The following MPHOSPH6 variants were observed in gnomAD, a reference collection of about 807,000 sequenced individuals.
MPHOSPH6 encodes M-phase phosphoprotein 6.
In MPHOSPH6, 25 loss-of-function variants were observed where a neutral mutation model predicts 21.8. The ratio of observed to expected loss-of-function variants is 1.15; its 90% confidence interval spans 0.83 to 1.60. The LOEUF (loss-of-function observed/expected upper bound fraction) is 1.60, where lower values mean the gene tolerates loss of function less well. Ranked by LOEUF, MPHOSPH6 falls within the 40% of genes most tolerant of loss-of-function variation. The probability of loss-of-function intolerance (pLI) is 0.00; values close to 1 mark genes in which losing one functional copy is unlikely to be tolerated. For missense variants in MPHOSPH6, 269 were observed against 181.8 expected, an observed-to-expected ratio of 1.48 and a Z score of -2.76; for synonymous variants, 84 against 56.5, an observed-to-expected ratio of 1.49 and a Z score of -2.18.
chr16:82,161,986 C>T (rs149940573), intron 2 of MPHOSPH6, among the ~76,000 whole-genome samples: 1 of 152,118 alleles, frequency 6.6e-6, no homozygotes, highest in Non-Finnish European at 1.5e-5. Context: ...TAAGACAACA[C>T]TAGCAAAAAA....
At chr16:82,168,890 G>A (rs895437582) in intron 1 of MPHOSPH6, among the ~76,000 whole-genome samples, 1 of 152,184 alleles carries the variant, frequency 6.6e-6, no homozygotes, top group African/African-American at 2.4e-5. Flanking sequence ...GCATCACAGA[G>A]TACAGAGTAG....
chr16:82,161,005 G>C (rs1276420636), intron 2 of MPHOSPH6, among the ~76,000 whole-genome samples: 1 of 152,084 alleles, frequency 6.6e-6, no homozygotes, highest in Non-Finnish European at 1.5e-5. Flanking sequence ...CTGAACAAAA[G>C]ACTTGCTAAG....
At position 82,148,173 on chromosome 16, in the gene MPHOSPH6, A is replaced by C. The variant is rs1906143302; in HGVS notation, c.*558T>G. ...GAAAATATAAAAAGTATGTGAAAGT[A>C]GATTTTTATTACAGAGCAAATTTTT... On this transcript the variant is annotated 3_prime_UTR_variant, in exon 5 of 5. Transcript: ENST00000258169. 6.6e-6 allele frequency: 1 copy of C among 152,244 alleles called. No homozygotes were observed. The allele number at this position is 152,244 out of a possible 1,614,324, so 9.4% of individuals were successfully genotyped here.
intron 2 of MPHOSPH6, among the ~76,000 whole-genome samples, chr16:82,158,836 A>T (rs1240518311): frequency 6.6e-6 from 1 of 152,258 alleles, no homozygotes; most frequent in Non-Finnish European, 1.5e-5. Context: ...GGTGATACTA[A>T]TGAATGTGAT....
At chr16:82,159,443 T>C (rs1017367878) in intron 2 of MPHOSPH6, among the ~76,000 whole-genome samples, 2 of 152,182 alleles carry the variant, frequency 1.3e-5, no homozygotes, top group South Asian at 2.1e-4. Context: ...CTCATTCTGT[T>C]GCCCAGGCTG....
Position 82,158,498 on chromosome 16 carries a change from C to CAA in MPHOSPH6, c.164+5582_164+5583dup, listed in dbSNP as rs3037959. 3.0e-3 allele frequency among the ~76,000 whole-genome samples: 247 copies of CAA among 81,466 alleles called. 4 individuals carry two copies. The highest frequency in any genetic ancestry group is 7.6e-3 in the African/African-American group (163 of 21,508). 53.4% of individuals were successfully genotyped at this position (81,466 alleles called of 152,430 possible). ...TGGGTGACAGAGCGAGACTCCGTCT[C>CAA]AAAAAAAAAAAAAAAAAAAAAAAAA... On this transcript the variant is annotated intron_variant, in intron 2 of 4. Coordinates refer to ENST00000258169, the MANE Select transcript of MPHOSPH6 (RefSeq NM_005792.2).
chr16:82,157,913 C>G (rs1906480323), intron 2 of MPHOSPH6, among the ~76,000 whole-genome samples: 1 of 152,204 alleles, frequency 6.6e-6, no homozygotes, highest in South Asian at 2.1e-4. Flanking sequence ...GTCAGAGTTA[C>G]TTGCATGATA....
chr16:82,168,472 C>CTTT (rs552110598), intron 1 of MPHOSPH6, among the ~76,000 whole-genome samples: 13,728 of 47,732 alleles, frequency 0.29, 2,203 homozygotes, highest in African/African-American at 0.4. Context: ...TACTCTCTCT[C>CTTT]TTTTTTTTTT....
At chr16:82,153,953 T>C (rs748053262) in intron 2 of MPHOSPH6, among the ~76,000 whole-genome samples, 6 of 152,262 alleles carry the variant, frequency 3.9e-5, no homozygotes, top group Non-Finnish European at 7.4e-5. Context: ...TAAGGAAAAG[T>C]GATTACATTT....
intron 1 of MPHOSPH6, chr16:82,164,531 T>C (rs1206830592): frequency 4.8e-6 from 1 of 208,190 alleles, no homozygotes; most frequent in African/African-American, 2.3e-5. Context: ...CTTCTTATCC[T>C]CTTCCACCTG....
intron 1 of MPHOSPH6, chr16:82,164,630 T>C (rs772970485): frequency 1.3e-4 from 21 of 157,386 alleles, no homozygotes; most frequent in Non-Finnish European, 2.5e-4. Flanking sequence ...AATGCTTCCA[T>C]GGCTCCCTCC....
intron 1 of MPHOSPH6, among the ~76,000 whole-genome samples, chr16:82,169,445 C>G (rs2911426): frequency 0.03 from 4,555 of 152,264 alleles, 224 homozygotes; most frequent in African/African-American, 0.1. Flanking sequence ...AGAGGGAGTT[C>G]TGCCAGCAGA....
chr16:82,164,051 G>C, intron 2 of MPHOSPH6, 31 bp downstream of exon 2: 1 of 1,426,938 alleles, frequency 7.0e-7, no homozygotes, highest in Non-Finnish European at 9.8e-7. Flanking sequence ...AATGCCACAA[G>C]CATCATCAGT....
intron 2 of MPHOSPH6, among the ~76,000 whole-genome samples, chr16:82,155,428 A>C (rs1289738618): frequency 1.3e-5 from 2 of 152,222 alleles, no homozygotes; most frequent in African/African-American, 2.4e-5. Flanking sequence ...CCACAAAAAA[A>C]CTACTTGTCA....
chr16:82,160,396 T>C (rs1199055606), intron 2 of MPHOSPH6, among the ~76,000 whole-genome samples: 1 of 152,210 alleles, frequency 6.6e-6, no homozygotes, highest in Non-Finnish European at 1.5e-5. Flanking sequence ...AAACTCCAGT[T>C]AGAAAACCCT....
intron 3 of MPHOSPH6, among the ~76,000 whole-genome samples, chr16:82,150,813 T>C (rs1906240435): frequency 6.6e-6 from 1 of 152,252 alleles, no homozygotes; most frequent in Non-Finnish European, 1.5e-5. Context: ...TAAAGATTTA[T>C]ATCTCATGTG....
intron 2 of MPHOSPH6, among the ~76,000 whole-genome samples, chr16:82,161,946 C>T (rs1378028731): frequency 3.9e-5 from 6 of 152,180 alleles, no homozygotes; most frequent in Admixed American, 3.9e-4. Context: ...AGAGCACAGA[C>T]ACATGCAATC....
intron 2 of MPHOSPH6, among the ~76,000 whole-genome samples, chr16:82,157,858 A>T (rs2142410648): frequency 6.6e-6 from 1 of 152,298 alleles, no homozygotes; most frequent in Middle Eastern, 3.4e-3. Context: ...AGAAACATAA[A>T]GCCCCTGCAG....
chr16:82,152,342 T>A (rs1196242389), intron 2 of MPHOSPH6, among the ~76,000 whole-genome samples: 1 of 152,164 alleles, frequency 6.6e-6, no homozygotes, highest in Non-Finnish European at 1.5e-5. Context: ...TAGTGGGAAA[T>A]CAGAGGCTTG....
Sources: gnomAD v4.1 joint callset for allele counts (sites outside exome capture counted in the v4.1 genomes callset) on GRCh38, gnomAD v4.1.1 for gene constraint, MANE v1.5 for transcripts, NCBI Gene and HGNC (gene_info 2026-07-23, HGNC 2026-07-21) for gene names.